The following PXDNL variants were observed in gnomAD, a reference collection of about 807,000 sequenced individuals.
The protein encoded by PXDNL is peroxidasin like.
In PXDNL, 145 loss-of-function variants were observed where a neutral mutation model predicts 150.8. The ratio of observed to expected loss-of-function variants is 0.96; its 90% confidence interval spans 0.84 to 1.10. The LOEUF (loss-of-function observed/expected upper bound fraction) is 1.10. PXDNL is among the 50% of genes least tolerant of loss of function. The pLI, the probability that PXDNL is intolerant of heterozygous loss-of-function variation, is 0.00. For missense variants in PXDNL, 2,087 were observed against 1,873.9 expected (o/e 1.11, Z -2.10); for synonymous variants, 757 against 725.7 (o/e 1.04, Z -0.69).
At chr8:51,513,156 G>A (rs1435762177) in intron 4 of PXDNL, among the ~76,000 whole-genome samples, 24 of 152,240 alleles carry the variant, frequency 1.6e-4, no homozygotes, top group Admixed American at 1.6e-3. Context: ...TGGTTGCAGA[G>A]GGGAGATGAA....
At chr8:51,674,550 G>A (rs1815565908) in intron 1 of PXDNL, among the ~76,000 whole-genome samples, 1 of 152,220 alleles carries the variant, frequency 6.6e-6, no homozygotes. Flanking sequence ...GTTCTCTAGG[G>A]AAAGCAGCAC....
intron 1 of PXDNL, among the ~76,000 whole-genome samples, chr8:51,789,401 C>T (rs185218002): frequency 8.5e-5 from 13 of 152,066 alleles, no homozygotes; most frequent in South Asian, 6.2e-4. Context: ...AAGGTGAGAC[C>T]GGGCGTGACA....
chr8:51,722,033 T>C, intron 1 of PXDNL: 1 of 195,592 alleles, frequency 5.1e-6, no homozygotes, highest in Admixed American at 4.9e-5. Flanking sequence ...AGGAGAGCTG[T>C]AGTTTTTTCT....
At chr8:51,786,679 A>C (rs1346229331) in intron 1 of PXDNL, among the ~76,000 whole-genome samples, 1 of 152,186 alleles carries the variant, frequency 6.6e-6, no homozygotes, top group Non-Finnish European at 1.5e-5. Context: ...CCATAACATA[A>C]AAGTACAAGG....
chr8:51,390,390 A>G (rs1204501825), intron 17 of PXDNL, among the ~76,000 whole-genome samples: 1 of 152,196 alleles, frequency 6.6e-6, no homozygotes, highest in African/African-American at 2.4e-5. Flanking sequence ...TTTGCCTAAG[A>G]TCACAAAGTT....
chr8:51,389,502 G>C (rs1361691715), intron 17 of PXDNL, among the ~76,000 whole-genome samples: 1 of 152,146 alleles, frequency 6.6e-6, no homozygotes, highest in African/African-American at 2.4e-5. Flanking sequence ...TTTCTGCAGA[G>C]AACTCTGTTT....
intron 5 of PXDNL, among the ~76,000 whole-genome samples, chr8:51,491,945 G>T (rs532628890): frequency 3.9e-5 from 6 of 152,316 alleles, no homozygotes; most frequent in Admixed American, 3.3e-4. Context: ...AGCAGAAAAG[G>T]AGTAGTATAA....
intron 21 of PXDNL, among the ~76,000 whole-genome samples, chr8:51,323,948 TA>T (rs909313432): frequency 8.2e-4 from 101 of 122,436 alleles, no homozygotes; most frequent in East Asian, 1.7e-3. Flanking sequence ...AATAAAAAAA[TA>T]AAAAAAAAAA....
chr8:51,791,161 G>A (rs1332309684), intron 1 of PXDNL, among the ~76,000 whole-genome samples: 1 of 152,148 alleles, frequency 6.6e-6, no homozygotes, highest in Non-Finnish European at 1.5e-5. Flanking sequence ...CAGGCTCTGG[G>A]ATCCAGGGTC....
intron 2 of PXDNL, among the ~76,000 whole-genome samples, chr8:51,652,543 A>G (rs1333684155): frequency 6.6e-6 from 1 of 152,136 alleles, no homozygotes; most frequent in African/African-American, 2.4e-5. Flanking sequence ...CCAGGGAAGT[A>G]CTTTTCCTGA....
chr8:51,697,945 T>C (rs1395156244), intron 1 of PXDNL, among the ~76,000 whole-genome samples: 15 of 152,260 alleles, frequency 9.9e-5, no homozygotes, highest in Admixed American at 9.8e-4. Flanking sequence ...GTTTAGACTA[T>C]ACTATGGTCT....
chr8:51,795,224 T>C (rs1197869428), intron 1 of PXDNL, among the ~76,000 whole-genome samples: 1 of 152,170 alleles, frequency 6.6e-6, no homozygotes, highest in Non-Finnish European at 1.5e-5. Flanking sequence ...CTGTCAATAT[T>C]AGACAGATCA....
intron 5 of PXDNL, among the ~76,000 whole-genome samples, chr8:51,495,219 T>C (rs1811016134): frequency 6.6e-6 from 1 of 152,052 alleles, no homozygotes; most frequent in Middle Eastern, 3.4e-3. Context: ...ATAAAGATGT[T>C]CTTTGAAACC....
At chr8:51,786,825 AT>A (rs1020815916) in intron 1 of PXDNL, among the ~76,000 whole-genome samples, 5 of 152,342 alleles carry the variant, frequency 3.3e-5, no homozygotes, top group Admixed American at 2.6e-4. Flanking sequence ...AAACAATGCC[AT>A]CTAAGACTTT....
intron 6 of PXDNL, among the ~76,000 whole-genome samples, chr8:51,478,588 T>C (rs1282784047): frequency 6.6e-6 from 1 of 152,216 alleles, no homozygotes; most frequent in Non-Finnish European, 1.5e-5. Flanking sequence ...AGAAATGGCA[T>C]GGTACAGATG....
chr8:51,726,934 C>G (rs754034725), intron 1 of PXDNL, among the ~76,000 whole-genome samples: 1 of 152,140 alleles, frequency 6.6e-6, no homozygotes, highest in African/African-American at 2.4e-5. Context: ...GACTTTCAAC[C>G]CTTTTCCTCC....
intron 8 of PXDNL, among the ~76,000 whole-genome samples, chr8:51,468,599 T>G (rs901726318): frequency 2.9e-4 from 44 of 151,982 alleles, no homozygotes; most frequent in Non-Finnish European, 8.8e-5. Context: ...TTATTTCTGA[T>G]GAGTTATTTT....
At chr8:51,559,798 G>A (rs1812683794) in intron 3 of PXDNL, among the ~76,000 whole-genome samples, 1 of 151,962 alleles carries the variant, frequency 6.6e-6, no homozygotes, top group African/African-American at 2.4e-5. Flanking sequence ...TTGCTAGCAT[G>A]GGGTAACTTG....
intron 4 of PXDNL, among the ~76,000 whole-genome samples, chr8:51,550,268 T>C (rs1381226816): frequency 6.6e-6 from 1 of 152,048 alleles, no homozygotes; most frequent in Non-Finnish European, 1.5e-5. Flanking sequence ...CAAATAAGAA[T>C]TGGTTCCAAT....
Sources: allele counts gnomAD v4.1 joint callset (sites outside exome capture counted in the v4.1 genomes callset), GRCh38; gene constraint gnomAD v4.1.1; transcripts MANE v1.5; gene names NCBI Gene and HGNC (gene_info 2026-07-23, HGNC 2026-07-21).